SNX6: variants seen among roughly 807,000 people sequenced by gnomAD.
SNX6 encodes sorting nexin 6, also known as sorting nexin-6.
Under a neutral mutation model 63.0 loss-of-function variants are expected in SNX6, and 34 were observed. That is an observed-to-expected ratio of 0.54 (90% CI 0.41 to 0.72). The LOEUF (loss-of-function observed/expected upper bound fraction) is 0.72, where lower values mean the gene tolerates loss of function less well. Ranked by LOEUF, SNX6 falls within the 30% of genes least tolerant of loss-of-function variation. The pLI is 0.00. For missense variants in SNX6, 398 were observed against 471.4 expected (o/e 0.84, Z 1.44); for synonymous variants, 170 against 164.2 (o/e 1.04, Z -0.27).
At chr14:34,602,234 T>G (rs1266711197) in intron 6 of SNX6, among the ~76,000 whole-genome samples, 2 of 151,848 alleles carry the variant, frequency 1.3e-5, no homozygotes, top group Admixed American at 1.3e-4. Flanking sequence ...GAGACCAGCC[T>G]GACCAACATG....
intron 7 of SNX6, among the ~76,000 whole-genome samples, chr14:34,596,970 C>T (rs1882630510): frequency 6.6e-6 from 1 of 152,224 alleles, no homozygotes; most frequent in Non-Finnish European, 1.5e-5. Flanking sequence ...CCTTGCCCGG[C>T]CTCAACTGAG....
chr14:34,584,150 G>A (rs1048128716), intron 9 of SNX6, among the ~76,000 whole-genome samples: 2 of 151,876 alleles, frequency 1.3e-5, no homozygotes, highest in Admixed American at 1.3e-4. Flanking sequence ...CCCGGCTGGT[G>A]GCATTTTAAT....
At chr14:34,588,435 A>G (rs1176880026) in intron 8 of SNX6, among the ~76,000 whole-genome samples, 1 of 151,802 alleles carries the variant, frequency 6.6e-6, no homozygotes, top group Admixed American at 6.6e-5. Context: ...ATTTTTTGCA[A>G]AGATTGGGTT....
chr14:34,566,394 G>A (rs1274203991), intron 13 of SNX6, among the ~76,000 whole-genome samples: 4 of 152,054 alleles, frequency 2.6e-5, no homozygotes, highest in African/African-American at 9.7e-5. Context: ...TATATTTTTA[G>A]TAGAGATGAG....
chr14:34,577,333 C>T (rs1446074067), intron 10 of SNX6, among the ~76,000 whole-genome samples: 1 of 152,068 alleles, frequency 6.6e-6, no homozygotes, highest in African/African-American at 2.4e-5. Flanking sequence ...AGGTGACCCA[C>T]CCACCTCAGC....
chr14:34,612,920 A>G lies in SNX6; in HGVS notation c.55-3178T>C, dbSNP rs535923971. On this transcript the variant is annotated intron_variant, in intron 2 of 13. Coordinates refer to ENST00000362031, the MANE Select transcript of SNX6 (RefSeq NM_152233.4). ...TAAAATTAGCTGGGTGCGGTGGTGC[A>G]TGCCTATAATCCCAGCTACTTGGGA... 1.5e-4 allele frequency among the ~76,000 whole-genome samples: 23 copies of G among 151,856 alleles called. 1 individual carries two copies. In the South Asian group the frequency reaches 4.6e-3, roughly 30 times the overall value.
At chr14:34,576,454 T>TATA (rs1566468356) in intron 10 of SNX6, among the ~76,000 whole-genome samples, 79 of 5,954 alleles carry the variant, frequency 0.013, no homozygotes, top group Admixed American at 0.02. Flanking sequence ...ATATATATAT[T>TATA]TTTTTTTTTT....
At chr14:34,603,501 A>G (rs1447568746) in intron 5 of SNX6, 30 bp from the exon 6 acceptor site, 1 of 1,528,530 alleles carries the variant, frequency 6.5e-7, no homozygotes, top group South Asian at 1.3e-5. Flanking sequence ...TTAAAGGTAA[A>G]AAACTCCATC....
At chr14:34,568,930 A>T in intron 11 of SNX6, 1 of 1,313,010 alleles carries the variant, frequency 7.6e-7, no homozygotes, top group Non-Finnish European at 1.1e-6. Context: ...GCCACCCCAG[A>T]GGTACAGGTG....
chr14:34,588,452 T>C (rs1233618044), intron 8 of SNX6, among the ~76,000 whole-genome samples: 4 of 152,114 alleles, frequency 2.6e-5, no homozygotes, highest in Admixed American at 2.0e-4. Flanking sequence ...GGTTTCACCA[T>C]GTTGCCCAGG....
intron 4 of SNX6, among the ~76,000 whole-genome samples, chr14:34,606,643 G>A (rs1038656417): frequency 2.6e-5 from 4 of 152,026 alleles, no homozygotes; most frequent in African/African-American, 7.2e-5. Flanking sequence ...GTAGAGATGC[G>A]GTTTCTCCAT....
Position 34,586,242 on chromosome 14 carries a change from G to A in SNX6, c.782C>T (p.Thr261Ile). Residue 261 changes from threonine to isoleucine, a missense_variant, in exon 9 of 14, where the codon ACA (threonine) becomes ATA (isoleucine). Physicochemically the swap from Thr to Ile is moderately conservative, Grantham distance 89. Coordinates refer to ENST00000362031, the MANE Select transcript of SNX6 (RefSeq NM_152233.4). Reference sequence around the variant, plus strand: ...TTAGAACACTTACTTGCATATATCTGTAGAATCCTGAGTTCCTAAAGCATA... The same window carrying A: ...TTAGAACACTTACTTGCATATATCTATAGAATCCTGAGTTCCTAAAGCATA... ...SLYALGTQDS[T>I]DICKFFLKVS... 1 of 1,599,022 alleles carries A rather than the reference G, an allele frequency of 6.3e-7. No homozygotes were observed. The highest frequency in any genetic ancestry group is 8.6e-7 in the Non-Finnish European group (1 of 1,167,356).
rs138247365 is a variant in SNX6 at position 34,582,189 on chromosome 14, C to T, written c.795-589G>A. On this transcript the variant is annotated intron_variant, in intron 9 of 13. Coordinates refer to ENST00000362031, the MANE Select transcript of SNX6 (RefSeq NM_152233.4). ...CTCTGTTGCACAGGCCAGAGTGCAG[C>T]GGTGCAACCTCAGCTCACTGCAACC... is the stretch of plus-strand genomic sequence containing the variant. 4.3e-3 allele frequency among the ~76,000 whole-genome samples: 633 copies of T among 145,934 alleles called. 5 individuals carry two copies. Among genetic ancestry groups the T allele is most frequent in the African/African-American group, 0.015 (588 of 39,086 alleles).
Position 34,609,832 on chromosome 14 carries a change from TAAC to T in SNX6, c.55-93_55-91del, listed in dbSNP as rs1883157190. On this transcript the variant is annotated intron_variant, in intron 2 of 13. Coordinates refer to ENST00000362031, the MANE Select transcript of SNX6 (RefSeq NM_152233.4). The stretch of plus-strand genomic sequence containing the variant: ...AGACAATGCAAAAACAAAACAAAAA[TAAC>T]AAAAGATTATTAAGTCTAAAGAGGT... 3.6e-6 allele frequency: 3 copies of T among 829,712 alleles called. No homozygotes were observed. In the South Asian group the frequency reaches 5.0e-5, roughly 14 times the overall value. The allele number at this position is 829,712 out of a possible 1,614,324, so 51.4% of individuals were successfully genotyped here. A position where few individuals can be genotyped will look rare whatever the true frequency, so the allele number is the denominator to read the frequency against.
intron 5 of SNX6, chr14:34,604,154 A>G: frequency 1.6e-6 from 2 of 1,282,998 alleles, no homozygotes; most frequent in Non-Finnish European, 2.0e-6. Context: ...AGCAGGACCA[A>G]TGATGGGAGA....
intron 2 of SNX6, among the ~76,000 whole-genome samples, chr14:34,616,990 G>A (rs761552264): frequency 6.6e-6 from 1 of 152,100 alleles, no homozygotes. Flanking sequence ...GCTGAGGCAG[G>A]AGAATTGCTT....
intron 10 of SNX6, among the ~76,000 whole-genome samples, chr14:34,579,825 C>CA (rs557462263): frequency 0.01 from 1,160 of 114,148 alleles, 3 homozygotes; most frequent in African/African-American, 0.025. Context: ...CTGTCTCTAC[C>CA]AAAAAAAAAA....
At chr14:34,570,635 C>T (rs187571672) in intron 11 of SNX6, among the ~76,000 whole-genome samples, 5 of 151,700 alleles carry the variant, frequency 3.3e-5, no homozygotes, top group African/African-American at 1.2e-4. Flanking sequence ...GTTGGCCAGG[C>T]TGGTCTTGAA....
At chr14:34,572,173 T>C (rs1210592594) in intron 11 of SNX6, among the ~76,000 whole-genome samples, 4 of 152,220 alleles carry the variant, frequency 2.6e-5, no homozygotes, top group Non-Finnish European at 5.9e-5. Context: ...GCCATTCTAA[T>C]TAAGGTGTAC....
Sources: allele counts gnomAD v4.1 joint callset (sites outside exome capture counted in the v4.1 genomes callset), GRCh38; gene constraint gnomAD v4.1.1; transcripts MANE v1.5; gene names NCBI Gene and HGNC (gene_info 2026-07-23, HGNC 2026-07-21).